The following NEO1 variants were observed in gnomAD, a reference collection of about 807,000 sequenced individuals.
The protein encoded by NEO1 is neogenin 1, also known as neogenin.
NEO1 carries 63 observed loss-of-function variants against 159.7 expected under a neutral mutation model. The observed-to-expected ratio is 0.39, with a 90% CI of 0.32 to 0.49. NEO1 has a LOEUF of 0.49. NEO1 is among the 20% of genes least tolerant of loss of function. The pLI, the probability that NEO1 is intolerant of heterozygous loss-of-function variation, is 0.85. For synonymous variants in NEO1, 633 were observed against 662.0 expected, an observed-to-expected ratio of 0.96 and a Z score of 0.67; for missense variants, 1,615 against 1,831.0, an observed-to-expected ratio of 0.88 and a Z score of 2.15.
At chr15:73,106,468 G>T (rs1471732127) in intron 1 of NEO1, among the ~76,000 whole-genome samples, 3 of 152,142 alleles carry the variant, frequency 2.0e-5, no homozygotes, top group Non-Finnish European at 4.4e-5. Context: ...AATTGTTGAT[G>T]AATATTCTAC....
Position 73,176,537 on chromosome 15 carries a change from A to T in NEO1, c.1150A>T (p.Ser384Cys). 6.2e-7 allele frequency: 1 copy of T among 1,608,856 alleles called. No individual in the cohort carries two copies. The highest frequency in any genetic ancestry group is 8.5e-7 in the Non-Finnish European group (1 of 1,178,004). ...WVKNGDMVIP[S>C]DYFKIVKEHN... ...CAAAAATGGGGATATGGTTATCCCA[A>T]GTGATTATTTTAAGATTGTAGTAAG... The change falls in exon 6 of 29, where the codon AGT (serine) becomes TGT (cysteine). Residue 384 changes from serine (S) to cysteine (C), a missense_variant. By Grantham distance (112) the Ser-to-Cys change is moderately radical. Coordinates refer to ENST00000261908, the MANE Select transcript of NEO1 (RefSeq NM_002499.4).
At chr15:73,282,882 G>A (rs1306328337) in intron 22 of NEO1, 82 bp from the exon 23 acceptor site, 1 of 1,489,324 alleles carries the variant, frequency 6.7e-7, no homozygotes, top group Non-Finnish European at 9.1e-7. Context: ...GTTCACGTGA[G>A]ATATTAATGG....
At chr15:73,185,919 GCCAA>G (rs2035894067) in intron 7 of NEO1, among the ~76,000 whole-genome samples, 1 of 151,738 alleles carries the variant, frequency 6.6e-6, no homozygotes, top group Non-Finnish European at 1.5e-5. Flanking sequence ...ATAGATAATG[GCCAA>G]GAATTTTAAA....
At chr15:73,278,399 T>A (rs2041517227) in intron 22 of NEO1, among the ~76,000 whole-genome samples, 200 bp downstream of exon 22, 1 of 152,226 alleles carries the variant, frequency 6.6e-6, no homozygotes, top group African/African-American at 2.4e-5. Context: ...GTTTCCCCAG[T>A]TATCCAACTT....
At chr15:73,137,295 A>AT (rs2031870238) in intron 5 of NEO1, among the ~76,000 whole-genome samples, 1 of 152,228 alleles carries the variant, frequency 6.6e-6, no homozygotes, top group Non-Finnish European at 1.5e-5. Flanking sequence ...ATTTAAGGAG[A>AT]TAAGAAAAAT....
intron 5 of NEO1, among the ~76,000 whole-genome samples, chr15:73,140,621 A>C (rs548555877): frequency 2.4e-4 from 37 of 152,244 alleles, no homozygotes; most frequent in African/African-American, 8.9e-4. Context: ...TATTCCTAGG[A>C]GTATACTTAC....
chr15:73,270,370 C>G lies in NEO1; in HGVS notation c.2773C>G (p.Leu925Val), dbSNP rs2041114422. Residue 925 changes from leucine to valine, a missense_variant, in exon 18 of 29, where the codon CTC becomes GTC. Physicochemically the swap from Leu to Val is conservative, Grantham distance 32 (BLOSUM62 1). Around this residue, in one of 3 missense-constraint regions of NEO1, gnomAD observed 126 missense variants for 216.7 expected, o/e 0.58. Transcript: ENST00000261908. ...GGTGACTGGTTTAAAGCCGAATACA[C>G]TCTATGAATTCTCTGTGATGGTGAC... ...YLVTGLKPNT[L>V]YEFSVMVTKG... 1.9e-6 allele frequency: 3 copies of G among 1,614,142 alleles called. No individual in the cohort carries two copies. The highest frequency in any genetic ancestry group is 2.5e-6 in the Non-Finnish European group (3 of 1,180,036).
At chr15:73,147,878 A>G (rs2033046347) in intron 5 of NEO1, among the ~76,000 whole-genome samples, 1 of 149,746 alleles carries the variant, frequency 6.7e-6, no homozygotes. Context: ...CAGTTGCGCG[A>G]TCTCGGCTCA....
At chr15:73,228,286 A>C (rs1350500171) in intron 7 of NEO1, among the ~76,000 whole-genome samples, 1 of 152,174 alleles carries the variant, frequency 6.6e-6, no homozygotes, top group Non-Finnish European at 1.5e-5. Context: ...CTGCCACCAG[A>C]GTAGTTATCT....
At chr15:73,064,027 G>T (rs778567096) in intron 1 of NEO1, among the ~76,000 whole-genome samples, 1 of 152,198 alleles carries the variant, frequency 6.6e-6, no homozygotes, top group Non-Finnish European at 1.5e-5. Context: ...GTTCTAAGGA[G>T]TTAGCGTTTG....
intron 1 of NEO1, among the ~76,000 whole-genome samples, chr15:73,079,476 C>G (rs2068936708): frequency 6.6e-6 from 1 of 152,136 alleles, no homozygotes; most frequent in Non-Finnish European, 1.5e-5. Context: ...ATCAATTTTG[C>G]TGTTGGTACT....
intron 7 of NEO1, among the ~76,000 whole-genome samples, chr15:73,182,238 T>C (rs1285191669): frequency 6.6e-6 from 1 of 152,150 alleles, no homozygotes; most frequent in Non-Finnish European, 1.5e-5. Context: ...ATGGGAATTG[T>C]GGGAGTTACA....
At chr15:73,184,340 G>C (rs553049664) in intron 7 of NEO1, among the ~76,000 whole-genome samples, 4 of 152,026 alleles carry the variant, frequency 2.6e-5, no homozygotes, top group Non-Finnish European at 5.9e-5. Context: ...ATTTTTAGTA[G>C]AGACAGGGTT....
intron 7 of NEO1, among the ~76,000 whole-genome samples, chr15:73,183,100 G>C (rs1056294809): frequency 6.6e-6 from 1 of 152,102 alleles, no homozygotes; most frequent in Non-Finnish European, 1.5e-5. Context: ...CTTTTCCTTG[G>C]GGCTCCACAG....
chr15:73,260,361 A>G lies in NEO1; in HGVS notation c.2294A>G (p.Asn765Ser). ...VVSWTPPENQ[N>S]IVVRGYAIGY... ...AGCTGGACTCCTCCAGAGAATCAGA[A>G]CATTGTGGTCAGAGGTTACGCCATT... is the stretch of plus-strand genomic sequence containing the variant. Residue 765 changes from asparagine to serine, a missense_variant, in exon 15 of 29, where the codon AAC becomes AGC. By Grantham distance (46) the Asn-to-Ser change is conservative (BLOSUM62 1). Transcript: ENST00000261908. The G allele has an allele frequency of 6.2e-7, 1 of 1,614,062 alleles. No individual in the cohort carries two copies. The highest frequency in any genetic ancestry group is 8.5e-7 in the Non-Finnish European group (1 of 1,179,994).
At chr15:73,288,257 G>T in intron 23 of NEO1, 56 bp from the exon 24 acceptor site, 2 of 1,535,250 alleles carry the variant, frequency 1.3e-6, no homozygotes, top group South Asian at 2.3e-5. Flanking sequence ...CAAGCCTTTT[G>T]ACAAATACGT....
At chr15:73,160,445 T>C (rs1227083143) in intron 5 of NEO1, among the ~76,000 whole-genome samples, 5 of 152,182 alleles carry the variant, frequency 3.3e-5, no homozygotes, top group Non-Finnish European at 7.3e-5. Context: ...CATTTCCATG[T>C]AGAGATATGG....
intron 5 of NEO1, chr15:73,162,774 G>T: frequency 5.9e-6 from 1 of 168,652 alleles, no homozygotes; most frequent in Non-Finnish European, 1.3e-5. Context: ...TTCATCATTT[G>T]CACCAGCCTC....
In NEO1 at chr15:73,135,797, T is replaced by G. The variant is rs1015426506; in HGVS notation, c.879-94T>G. On this transcript the variant is annotated intron_variant, in intron 4 of 28. Transcript: ENST00000261908. ...ATAGCTATATAAATAATAATACTCT[T>G]TAAGTGTTTTCTCTATTTTATGTGG... The G allele has an allele frequency of 5.4e-6, 6 of 1,119,252 alleles. No homozygotes were observed. The African/African-American group carries it at 9.5e-5, about 18-fold the overall frequency. The allele number at this position is 1,119,252 out of a possible 1,614,324, so 69.3% of individuals were successfully genotyped here. A position where few individuals can be genotyped will look rare whatever the true frequency, so the allele number is the denominator to read the frequency against.
Sources: allele counts gnomAD v4.1 joint callset (sites outside exome capture counted in the v4.1 genomes callset), GRCh38; gene constraint gnomAD v4.1.1; regional missense constraint gnomAD v4.1.1; transcripts MANE v1.5; gene names NCBI Gene and HGNC (gene_info 2026-07-23, HGNC 2026-07-21).